The following MSR1 variants were observed in gnomAD, a reference collection of about 807,000 sequenced individuals.
MSR1 encodes macrophage scavenger receptor types I and II.
A neutral mutation model predicts 47.2 loss-of-function variants in MSR1; 53 were observed. The observed-to-expected ratio is 1.12, with a 90% CI of 0.90 to 1.41. The LOEUF (loss-of-function observed/expected upper bound fraction) is 1.41. MSR1 is among the 40% of genes most tolerant of loss of function. The probability of loss-of-function intolerance (pLI) is 0.00; values close to 1 mark genes in which losing one functional copy is unlikely to be tolerated. For synonymous variants in MSR1, 239 were observed against 185.6 expected (o/e 1.29, Z -2.34); for missense variants, 786 against 546.9 (o/e 1.44, Z -4.36).
intron 1 of MSR1, among the ~76,000 whole-genome samples, chr8:16,185,269 T>C (rs1801962108): frequency 6.6e-6 from 1 of 152,194 alleles, no homozygotes. Flanking sequence ...GAATCTCATC[T>C]ACTTCCATGG....
intron 1 of MSR1, among the ~76,000 whole-genome samples, chr8:16,179,879 CAAAAAAAAAA>C (rs58441043): frequency 2.5e-5 from 2 of 80,950 alleles, no homozygotes; most frequent in African/African-American, 4.7e-5. Context: ...CCCTGTGTCT[CAAAAAAAAAA>C]AAAAAAAAAA....
intron 5 of MSR1, among the ~76,000 whole-genome samples, chr8:16,162,143 T>TA (rs1022744917): frequency 6.6e-6 from 1 of 151,852 alleles, no homozygotes; most frequent in African/African-American, 2.4e-5. Context: ...CACAGATAAG[T>TA]AAAACTGCAG....
At position 16,168,943 on chromosome 8, in the gene MSR1, T is replaced by C. The variant is rs1055016111; in HGVS notation, c.218-73A>G. 17 of 1,402,314 alleles carry C rather than the reference T, an allele frequency of 1.2e-5. No homozygotes were observed. In the African/African-American group the frequency reaches 2.0e-4, roughly 16 times the overall value. The allele number at this position is 1,402,314 out of a possible 1,614,324, so 86.9% of individuals were successfully genotyped here. On this transcript the variant is annotated intron_variant, in intron 3 of 9. Coordinates refer to ENST00000262101, the MANE Select transcript of MSR1 (RefSeq NM_138715.3). ...GCATACAGGATCCCATCCCATATCA[T>C]TCCATTCCGTTCATTTTATTCCATT...
rs368407935 is a variant in MSR1 at position 16,130,514 on chromosome 8, C to T, written c.1034-9908G>A. Among the ~76,000 whole-genome samples the T allele has an allele frequency of 2.9e-4, 44 of 152,106 alleles. 1 individual carries two copies. The South Asian group carries it at 8.8e-3, about 30-fold the overall frequency. On this transcript the variant is annotated intron_variant, in intron 8 of 9. Coordinates refer to ENST00000262101, the MANE Select transcript of MSR1 (RefSeq NM_138715.3). ...ACTTTTATATTAGGTTCAGGCGTAC[C>T]TGTGAAGGTTGGTTATATAGGTAAA...
At position 16,164,141 on chromosome 8, in the gene MSR1, C is replaced by T. The variant is rs770199769; in HGVS notation, c.741G>A (p.Leu247=). ...EQEIKGEVKV[L]NNITNDLRLK... ...GTCTGAGATCATTAGTGATGTTATT[C>T]AGTACTTTCACTTCTCCTTTTATTT... Residue 247 remains leucine (L), a synonymous_variant, in exon 5 of 10, where the codon CTG becomes CTA. Transcript: ENST00000262101. 1 of 1,611,926 alleles carries T rather than the reference C, an allele frequency of 6.2e-7. No homozygotes were observed. The highest frequency in any genetic ancestry group is 8.5e-7 in the Non-Finnish European group (1 of 1,178,606).
At chr8:16,126,360 CAT>C (rs1331941533) in intron 8 of MSR1, among the ~76,000 whole-genome samples, 1 of 152,018 alleles carries the variant, frequency 6.6e-6, no homozygotes, top group Non-Finnish European at 1.5e-5. Flanking sequence ...ATTGTTTACT[CAT>C]AGTCATGATT....
In MSR1 at chr8:16,113,959, C is replaced by T. The variant is rs529866083; in HGVS notation, c.1223-3741G>A. ...ATTTGTACAACTTTGATGACCTCTG[C>T]TAGCCCTACTTATTTTCTCTATGAA... On this transcript the variant is annotated intron_variant, in intron 9 of 9. Transcript: ENST00000262101. 1.6e-3 allele frequency among the ~76,000 whole-genome samples: 235 copies of T among 143,612 alleles called. 1 individual carries two copies. The highest frequency in any genetic ancestry group is 2.5e-3 in the Non-Finnish European group (163 of 66,340). The allele number at this position is 143,612 out of a possible 152,430, so 94.2% of individuals were successfully genotyped here. A position where few individuals can be genotyped will look rare whatever the true frequency, so the allele number is the denominator to read the frequency against.
chr8:16,159,067 G>A (rs528394305), intron 5 of MSR1, among the ~76,000 whole-genome samples: 2 of 150,570 alleles, frequency 1.3e-5, no homozygotes, highest in South Asian at 2.1e-4. Flanking sequence ...CTCCCAAAGC[G>A]CTGGGATTAC....
chr8:16,127,604 A>C (rs1172146490), intron 8 of MSR1, among the ~76,000 whole-genome samples: 1 of 152,164 alleles, frequency 6.6e-6, no homozygotes, highest in Non-Finnish European at 1.5e-5. Flanking sequence ...TTTGAAGGAA[A>C]AAATGCGGCA....
At chr8:16,168,321 TAA>T (rs1408239038) in intron 4 of MSR1, 135 bp downstream of exon 4, 82 of 813,662 alleles carry the variant, frequency 1.0e-4, no homozygotes, top group Non-Finnish European at 3.2e-5. Flanking sequence ...AAAATCTGGA[TAA>T]GTTAGCCATA....
chr8:16,146,583 G>T (rs926774675), intron 7 of MSR1, among the ~76,000 whole-genome samples: 1 of 151,880 alleles, frequency 6.6e-6, no homozygotes, highest in Admixed American at 6.6e-5. Flanking sequence ...AGGTGCAAAG[G>T]GCTTTTTGTA....
At chr8:16,183,622 A>G (rs1469558614) in intron 1 of MSR1, among the ~76,000 whole-genome samples, 2 of 89,376 alleles carry the variant, frequency 2.2e-5, no homozygotes, top group Non-Finnish European at 4.0e-5. Context: ...AATATATAAT[A>G]TATATAATAT....
intron 8 of MSR1, chr8:16,139,640 A>G: frequency 4.1e-6 from 4 of 972,180 alleles, no homozygotes; most frequent in Non-Finnish European, 4.9e-6. Flanking sequence ...ATTCTTTTTC[A>G]TGATCAAAAT....
chr8:16,123,873 T>A (rs1196932323), intron 8 of MSR1, among the ~76,000 whole-genome samples: 3 of 152,044 alleles, frequency 2.0e-5, no homozygotes, highest in Non-Finnish European at 4.4e-5. Flanking sequence ...TGCTTAGGAG[T>A]CTCCAACTTG....
Position 16,177,921 on chromosome 8 carries a change from A to C in MSR1, c.68T>G (p.Phe23Cys), listed in dbSNP as rs35175081. The C allele has an allele frequency of 1.5e-5, 24 of 1,613,956 alleles. No individual in the cohort carries two copies. In the East Asian group the frequency reaches 3.1e-4, roughly 21 times the overall value. The change falls in exon 2 of 10, where the codon TTT becomes TGT. Residue 23 changes from phenylalanine (F) to cysteine (C), a missense_variant. Phe to Cys is a radical substitution (Grantham distance 205). Transcript: ENST00000262101. ...CAAAGCTGTCATTGAGCGAGCATCA[A>C]ATTTCACAGATTCGGAGCAGCTATC... Reference protein sequence around the residue: ...DTDSCSESVKFDARSMTALLP... With the variant: ...DTDSCSESVKCDARSMTALLP...
chr8:16,177,761 G>T, intron 2 of MSR1, 125 bp downstream of exon 2: 1 of 746,468 alleles, frequency 1.3e-6, no homozygotes, highest in Non-Finnish European at 2.3e-6. Flanking sequence ...GAATACCCCT[G>T]TTGGTCAAAT....
At chr8:16,151,694 G>A (rs1314590944) in intron 6 of MSR1, among the ~76,000 whole-genome samples, 1 of 152,116 alleles carries the variant, frequency 6.6e-6, no homozygotes, top group African/African-American at 2.4e-5. Context: ...ACATCATCAA[G>A]TCAGAATCCA....
intron 7 of MSR1, among the ~76,000 whole-genome samples, chr8:16,146,868 C>T (rs1021772437): frequency 3.9e-5 from 6 of 152,050 alleles, no homozygotes; most frequent in African/African-American, 1.2e-4. Context: ...GGCCTCTACT[C>T]GAAACTTCAG....
intron 6 of MSR1, among the ~76,000 whole-genome samples, chr8:16,153,229 T>C (rs1031050112): frequency 1.3e-5 from 2 of 152,020 alleles, no homozygotes; most frequent in African/African-American, 2.4e-5. Flanking sequence ...ATTAGTATGA[T>C]TGTCCATCAT....
Sources: allele counts gnomAD v4.1 joint callset (sites outside exome capture counted in the v4.1 genomes callset), GRCh38; gene constraint gnomAD v4.1.1; transcripts MANE v1.5; gene names NCBI Gene and HGNC (gene_info 2026-07-23, HGNC 2026-07-21).